The following NLGN4X variants were observed in gnomAD, a reference collection of about 807,000 sequenced individuals.
NLGN4X encodes neuroligin 4 X-linked.
NLGN4X carries 3 observed loss-of-function variants against 40.3 expected under a neutral mutation model. The observed-to-expected ratio is 0.07, with a 90% CI of 0.03 to 0.19. The LOEUF (loss-of-function observed/expected upper bound fraction) is 0.19. Among genes scored for constraint, NLGN4X ranks in the 10% least tolerant of loss-of-function variants. NLGN4X has a pLI of 1.00. For missense variants in NLGN4X, 382 were observed against 708.3 expected, an observed-to-expected ratio of 0.54 and a Z score of 5.23; for synonymous variants, 270 against 306.8, an observed-to-expected ratio of 0.88 and a Z score of 1.25.
chrX:6,142,212 T>C (rs1489247116), intron 2 of NLGN4X, among the ~76,000 whole-genome samples: 2 of 112,492 alleles, frequency 1.8e-5, no homozygotes, highest in Admixed American at 9.5e-5. Flanking sequence ...TGTTCTTTGT[T>C]AGGAAAAGAT....
chrX:5,993,045 T>C (rs2035723800), intron 3 of NLGN4X, among the ~76,000 whole-genome samples: 1 of 111,464 alleles, frequency 9.0e-6, no homozygotes. Context: ...TGCTTTCAGA[T>C]AGCACCTTAG....
chrX:6,174,785 T>C (rs2040686033), intron 1 of NLGN4X, among the ~76,000 whole-genome samples: 1 of 111,503 alleles, frequency 9.0e-6, no homozygotes, highest in African/African-American at 3.3e-5. Flanking sequence ...AGGGGACTAC[T>C]AGAATGGGAA....
chrX:6,211,843 T>C (rs1467380612), intron 1 of NLGN4X, among the ~76,000 whole-genome samples: 1 of 112,168 alleles, frequency 8.9e-6, no homozygotes, highest in East Asian at 2.8e-4. Flanking sequence ...ACTACTAGCC[T>C]ATGGAATGAT....
chrX:6,030,534 T>A (rs1359079842), intron 2 of NLGN4X, among the ~76,000 whole-genome samples: 2 of 110,285 alleles, frequency 1.8e-5, no homozygotes, highest in Non-Finnish European at 3.8e-5. Context: ...AGGGACACTT[T>A]TGAAATACCA....
intron 3 of NLGN4X, among the ~76,000 whole-genome samples, chrX:5,980,201 CCA>C (rs2035343129): frequency 9.5e-6 from 1 of 105,201 alleles, no homozygotes; most frequent in African/African-American, 3.6e-5. Flanking sequence ...ATGTCTAATA[CCA>C]TATATACTAT....
rs1008938390 is a variant in NLGN4X at position 6,145,161 on chromosome X, C to T, written c.472+5834G>A. ...CCCTGCCAACTGGTATACACAAGAA[C>T]AGCCCAGTTTTATCTCTTCTTACTC... On this transcript the variant is annotated intron_variant, in intron 2 of 5. Transcript: ENST00000381095. 2.7e-5 allele frequency among the ~76,000 whole-genome samples: 3 copies of T among 111,516 alleles called. No individual in the cohort carries two copies. The Admixed American group carries it at 2.9e-4, about 11-fold the overall frequency.
chrX:5,980,283 C>T (rs766468554), intron 3 of NLGN4X, among the ~76,000 whole-genome samples: 1 of 108,972 alleles, frequency 9.2e-6, no homozygotes, highest in Non-Finnish European at 1.9e-5. Flanking sequence ...TACCTTCATC[C>T]GATATTTAAT....
intron 2 of NLGN4X, among the ~76,000 whole-genome samples, chrX:6,105,173 G>A (rs1287462163): frequency 9.1e-6 from 1 of 109,814 alleles, no homozygotes; most frequent in Non-Finnish European, 1.9e-5. Context: ...CCATTCTCCT[G>A]CCTCAGCCTC....
intron 3 of NLGN4X, among the ~76,000 whole-genome samples, chrX:5,913,916 C>A (rs1048084010): frequency 8.9e-6 from 1 of 111,745 alleles, no homozygotes; most frequent in Non-Finnish European, 1.9e-5. Context: ...TTATAAATGG[C>A]AGTTCCCCTG....
At chrX:5,977,990 G>A (rs1025339678) in intron 3 of NLGN4X, among the ~76,000 whole-genome samples, 8 of 112,123 alleles carry the variant, frequency 7.1e-5, no homozygotes, top group African/African-American at 3.2e-5. Flanking sequence ...CTAGGAAAAC[G>A]GCTGGTGCAT....
At chrX:6,214,437 A>G (rs1385339803) in intron 1 of NLGN4X, among the ~76,000 whole-genome samples, 1 of 111,758 alleles carries the variant, frequency 8.9e-6, no homozygotes, top group Non-Finnish European at 1.9e-5. Flanking sequence ...GAAGCTGAGG[A>G]TTTCAATGCA....
chrX:5,969,526 G>A (rs971495184), intron 3 of NLGN4X, among the ~76,000 whole-genome samples: 18 of 111,213 alleles, frequency 1.6e-4, no homozygotes, highest in African/African-American at 2.6e-4. Context: ...AGGAAACAAC[G>A]GGTGCTGGAG....
chrX:6,139,967 C>T (rs1312390560), intron 2 of NLGN4X, among the ~76,000 whole-genome samples: 1 of 111,336 alleles, frequency 9.0e-6, no homozygotes, highest in South Asian at 3.8e-4. Flanking sequence ...GTCATTGGCC[C>T]GACTGGAGGC....
rs1050765550 is a variant in NLGN4X at position 6,030,831 on chromosome X, A to G, written c.473-1399T>C. The stretch of plus-strand genomic sequence containing the variant: ...ACGGGAAATGTCTTCTGCTATATGA[A>G]TAAGAAATGGCTTTTCTCATGATCC... On this transcript the variant is annotated intron_variant, in intron 2 of 5. Coordinates refer to ENST00000381095, the MANE Select transcript of NLGN4X (RefSeq NM_181332.3). Among the ~76,000 whole-genome samples the G allele has an allele frequency of 5.3e-5, 6 of 112,349 alleles. No individual in the cohort carries two copies. In the East Asian group the frequency reaches 1.7e-3, roughly 31 times the overall value.
intron 1 of NLGN4X, among the ~76,000 whole-genome samples, chrX:6,215,212 T>C (rs1430226166): frequency 8.9e-6 from 1 of 112,087 alleles, no homozygotes; most frequent in African/African-American, 3.2e-5. Context: ...TGTTAAAAAT[T>C]GGGGGTATTC....
chrX:6,185,915 A>C, intron 1 of NLGN4X, among the ~76,000 whole-genome samples: 1 of 111,767 alleles, frequency 8.9e-6, no homozygotes, highest in East Asian at 2.8e-4. Flanking sequence ...TCCCTGGTGC[A>C]CATAAATTTT....
At chrX:5,918,201 T>C (rs980906169) in intron 3 of NLGN4X, among the ~76,000 whole-genome samples, 3 of 111,321 alleles carry the variant, frequency 2.7e-5, no homozygotes, top group African/African-American at 9.8e-5. Context: ...ATGAGACTAT[T>C]TTAAAACTCA....
chrX:5,922,244 G>A (rs918474464), intron 3 of NLGN4X, among the ~76,000 whole-genome samples: 3 of 110,935 alleles, frequency 2.7e-5, no homozygotes, highest in African/African-American at 9.8e-5. Flanking sequence ...TCGTGGGGAG[G>A]GGGGGAAACA....
chrX:6,182,661 G>A (rs1188088871), intron 1 of NLGN4X, among the ~76,000 whole-genome samples: 1 of 111,808 alleles, frequency 8.9e-6, no homozygotes, highest in Non-Finnish European at 1.9e-5. Flanking sequence ...TGAGCCCAGT[G>A]GCATTACAAG....
Sources: gnomAD v4.1 joint callset for allele counts (sites outside exome capture counted in the v4.1 genomes callset) on GRCh38, gnomAD v4.1.1 for gene constraint, MANE v1.5 for transcripts, NCBI Gene and HGNC (gene_info 2026-07-23, HGNC 2026-07-21) for gene names.